The following MAPK10 variants were observed in gnomAD, a reference collection of about 807,000 sequenced individuals.
The protein encoded by MAPK10 is JNK3 alpha protein kinase.
Under a neutral mutation model 59.3 loss-of-function variants are expected in MAPK10, and 25 were observed. The observed-to-expected ratio is 0.42, with a 90% CI of 0.31 to 0.59. The LOEUF is 0.59. Ranked by LOEUF, MAPK10 falls within the 20% of genes least tolerant of loss-of-function variation. MAPK10 has a pLI of 0.15. For synonymous variants in MAPK10, 190 were observed against 200.5 expected (o/e 0.95, Z 0.44); for missense variants, 351 against 568.9 (o/e 0.62, Z 3.90).
At chr4:86,418,056 T>G (rs1162045150) in intron 1 of MAPK10, among the ~76,000 whole-genome samples, 1 of 152,158 alleles carries the variant, frequency 6.6e-6, no homozygotes, top group South Asian at 2.1e-4. Flanking sequence ...CAGCAGCACC[T>G]GCGTCTGCTA....
intron 4 of MAPK10, among the ~76,000 whole-genome samples, chr4:86,147,426 T>C (rs1343429315): frequency 6.6e-6 from 1 of 152,208 alleles, no homozygotes; most frequent in Non-Finnish European, 1.5e-5. Context: ...TTTTCATTTC[T>C]TCATTCTCCT....
At chr4:86,439,693 A>AT (rs1183566378) in intron 1 of MAPK10, among the ~76,000 whole-genome samples, 11 of 152,210 alleles carry the variant, frequency 7.2e-5, no homozygotes, top group Admixed American at 7.2e-4. Flanking sequence ...TGTCTGTAGT[A>AT]TTTTTTATTC....
intron 2 of MAPK10, among the ~76,000 whole-genome samples, chr4:86,232,019 C>T (rs1429832694): frequency 6.6e-6 from 1 of 152,174 alleles, no homozygotes; most frequent in Admixed American, 6.5e-5. Flanking sequence ...CAGCGGTCAC[C>T]AAACCTTGTC....
chr4:86,324,430 A>C (rs2095975046), intron 2 of MAPK10, among the ~76,000 whole-genome samples: 1 of 152,166 alleles, frequency 6.6e-6, no homozygotes, highest in Non-Finnish European at 1.5e-5. Context: ...AAATAAAAAA[A>C]AAAAAGATCT....
upstream of MAPK10, chr4:86,360,080 GGGCTT>G: frequency 1.0e-6 from 1 of 985,928 alleles, no homozygotes; most frequent in South Asian, 4.7e-5. Context: ...GACGGACAGA[GGGCTT>G]GGGGAATGGG....
chr4:86,436,419 G>A (rs1414951217), intron 1 of MAPK10, among the ~76,000 whole-genome samples: 1 of 152,186 alleles, frequency 6.6e-6, no homozygotes. Context: ...ACAACCCAGT[G>A]AGTTAAGAGA....
chr4:86,494,746 G>A (rs1420061967), intron 1 of MAPK10, among the ~76,000 whole-genome samples: 12 of 149,206 alleles, frequency 8.0e-5, no homozygotes, highest in Non-Finnish European at 1.8e-4. Context: ...AGGAGGCTGA[G>A]GCAGGAGAAT....
intron 1 of MAPK10, among the ~76,000 whole-genome samples, chr4:86,516,089 C>T (rs1404661650): frequency 1.3e-5 from 2 of 152,132 alleles, no homozygotes; most frequent in Non-Finnish European, 1.5e-5. Flanking sequence ...CAGTTTCATT[C>T]TTCTACATGT....
chr4:86,119,185 T>C (rs1267144057), intron 4 of MAPK10, among the ~76,000 whole-genome samples: 1 of 152,226 alleles, frequency 6.6e-6, no homozygotes, highest in African/African-American at 2.4e-5. Context: ...ATATTCATTA[T>C]ATCATATAAC....
intron 1 of MAPK10, among the ~76,000 whole-genome samples, chr4:86,579,352 CAT>C (rs1262757750): frequency 4.6e-5 from 7 of 152,198 alleles, no homozygotes; most frequent in African/African-American, 7.2e-5. Context: ...GGTAATTTCA[CAT>C]GTTTCAAAAA....
At chr4:86,517,925 G>A (rs1009735933) in intron 1 of MAPK10, among the ~76,000 whole-genome samples, 11 of 151,996 alleles carry the variant, frequency 7.2e-5, no homozygotes, top group Non-Finnish European at 1.5e-4. Context: ...TTTTTTTGTT[G>A]GCTTTTTAAA....
chr4:86,462,309 T>C (rs1363907902), intron 1 of MAPK10, among the ~76,000 whole-genome samples: 1 of 152,186 alleles, frequency 6.6e-6, no homozygotes, highest in African/African-American at 2.4e-5. Context: ...CAAATTGTTA[T>C]ATCTACTTCC....
At chr4:86,365,431 C>T (rs1457471252) in intron 1 of MAPK10, among the ~76,000 whole-genome samples, 70 of 32,448 alleles carry the variant, frequency 2.2e-3, no homozygotes, top group African/African-American at 7.8e-3. Context: ...GACTCTGTCT[C>T]AAAAAAAAAA....
intron 3 of MAPK10, among the ~76,000 whole-genome samples, chr4:86,187,445 T>G (rs2078522813): frequency 6.6e-6 from 1 of 152,092 alleles, no homozygotes; most frequent in Non-Finnish European, 1.5e-5. Flanking sequence ...TTCACACTAC[T>G]CAGAACAGCG....
intron 2 of MAPK10, among the ~76,000 whole-genome samples, chr4:86,284,509 CTCTG>C (rs1378283176): frequency 1.3e-5 from 2 of 152,198 alleles, no homozygotes; most frequent in African/African-American, 2.4e-5. Context: ...TGTCCTTTCT[CTCTG>C]TATTTTGGAA....
intron 1 of MAPK10, among the ~76,000 whole-genome samples, chr4:86,384,791 T>C (rs1303127095): frequency 6.6e-6 from 1 of 152,182 alleles, no homozygotes; most frequent in African/African-American, 2.4e-5. Flanking sequence ...GACAACTCTG[T>C]TTGCAACATT....
chr4:86,365,397 G>T (rs969626318), intron 1 of MAPK10, among the ~76,000 whole-genome samples: 2 of 119,190 alleles, frequency 1.7e-5, no homozygotes, highest in Admixed American at 2.3e-4. Flanking sequence ...GCACCATTGC[G>T]CTCCAGCCTG....
chr4:86,345,178 G>A (rs1316774192), intron 2 of MAPK10, among the ~76,000 whole-genome samples: 1 of 152,136 alleles, frequency 6.6e-6, no homozygotes. Context: ...ATAGCCTTCT[G>A]AGCCCCCTCT....
chr4:86,230,154 C>T (rs887918658), intron 2 of MAPK10, among the ~76,000 whole-genome samples: 3 of 152,104 alleles, frequency 2.0e-5, no homozygotes, highest in African/African-American at 7.2e-5. Flanking sequence ...AAGGTACTTC[C>T]CAAACGTTTT....
Sources: gnomAD v4.1 joint callset for allele counts (sites outside exome capture counted in the v4.1 genomes callset) on GRCh38, gnomAD v4.1.1 for gene constraint, MANE v1.5 for transcripts, NCBI Gene and HGNC (gene_info 2026-07-23, HGNC 2026-07-21) for gene names.